The following MFSD2B variants were observed in gnomAD, a reference collection of about 807,000 sequenced individuals.
MFSD2B encodes MFSD2 lysolipid transporter B, sphingolipid.
In MFSD2B, 56 loss-of-function variants were observed where a neutral mutation model predicts 58.4. That is an observed-to-expected ratio of 0.96 (90% confidence interval 0.77 to 1.20). MFSD2B has a LOEUF of 1.20. MFSD2B is among the 50% of genes most tolerant of loss of function. The pLI is 0.00. For missense variants in MFSD2B, 645 were observed against 667.6 expected (o/e 0.97, Z 0.37); for synonymous variants, 287 against 294.4 (o/e 0.97, Z 0.26).
At chr2:24,013,438 G>T in intron 2 of MFSD2B, 28 bp downstream of exon 2, 1 of 1,575,208 alleles carries the variant, frequency 6.3e-7, no homozygotes, top group Non-Finnish European at 8.7e-7. Flanking sequence ...CCCAGTCTCT[G>T]CTGGCATCTT....
rs1309570087 is a variant in MFSD2B at position 24,022,965 on chromosome 2, T to C, written c.1059+63T>C. ...AGGGGAGAGGTGAGCGAGGTGACCT[T>C]GGTGCCTGAGCCTCCTGGGGCCAGC... is the stretch of plus-strand genomic sequence containing the variant. On this transcript the variant is annotated intron_variant, in intron 10 of 13. Transcript: ENST00000338315. This position sits in a 1 kb window ranked among gnomAD's most constrained non-coding sequence, Gnocchi z 4.5. The C allele has an allele frequency of 2.7e-6, 4 of 1,505,356 alleles. No individual in the cohort carries two copies. The African/African-American group carries it at 5.5e-5, about 21-fold the overall frequency. The allele number at this position is 1,505,356 out of a possible 1,614,324, so 93.2% of individuals were successfully genotyped here.
intron 2 of MFSD2B, among the ~76,000 whole-genome samples, chr2:24,014,945 C>T (rs1709086517): frequency 6.6e-6 from 1 of 151,914 alleles, no homozygotes; most frequent in South Asian, 2.1e-4. Flanking sequence ...TATGGTGAAC[C>T]CCATTTCTAC....
In MFSD2B at chr2:24,022,340, A is replaced by G. The variant is rs932304030; in HGVS notation, c.895-93A>G. ...ATGGTAGCAGCAAGCCAAGGTCCCA[A>G]TGGAGATGCCAGACTCCAGACCCTG... is the stretch of plus-strand genomic sequence containing the variant. On this transcript the variant is annotated intron_variant, in intron 8 of 13. Transcript: ENST00000338315. This position sits in a 1 kb window ranked among gnomAD's most constrained non-coding sequence, Gnocchi z 4.5. 3.6e-5 allele frequency: 36 copies of G among 998,402 alleles called. No individual in the cohort carries two copies. The highest frequency in any genetic ancestry group is 3.4e-4 in the Admixed American group (17 of 49,480). 61.8% of individuals were successfully genotyped at this position (998,402 alleles called of 1,614,324 possible).
rs1446495831 is a variant in MFSD2B at position 24,024,192 on chromosome 2, G to A, written c.1411G>A (p.Ala471Thr). 1 of 1,613,736 alleles carries A rather than the reference G, an allele frequency of 6.2e-7. No homozygotes were observed. Among genetic ancestry groups the A allele is most frequent in the South Asian group, 1.1e-5 (1 of 91,030 alleles). The change falls in exon 13 of 14, where the codon GCT (alanine) becomes ACT (threonine). Residue 471 changes from alanine to threonine, a missense_variant. Physicochemically the swap from Ala to Thr is moderately conservative, Grantham distance 58. Transcript: ENST00000338315. This position sits in a 1 kb window ranked among gnomAD's most constrained non-coding sequence, Gnocchi z 4.3. The stretch of plus-strand genomic sequence containing the variant: ...CGCCGTGCCCACCTGCATGATCCTT[G>A]CTGGGCTCTGCATCCTCATGGTCGG... The part of the protein sequence containing the change: ...IGAVPTCMIL[A>T]GLCILMVGST...
In MFSD2B at chr2:24,022,002, G is replaced by T; in HGVS notation, c.894+32G>T. 6.2e-7 allele frequency: 1 copy of T among 1,613,590 alleles called. No homozygotes were observed. Among genetic ancestry groups the T allele is most frequent in the South Asian group, 1.1e-5 (1 of 91,048 alleles). Reference sequence around the variant, plus strand: ...CTGGCCAGCTGCCCCCGACAGGCTTGGTGCTGGCCATGCTGACCTTGCATA... The same window carrying T: ...CTGGCCAGCTGCCCCCGACAGGCTTTGTGCTGGCCATGCTGACCTTGCATA... On this transcript the variant is annotated intron_variant, in intron 8 of 13. Coordinates refer to ENST00000338315, the MANE Select transcript of MFSD2B (RefSeq NM_001346880.2). This position sits in a 1 kb window ranked among gnomAD's most constrained non-coding sequence, Gnocchi z 4.5.
chr2:24,016,945 T>C lies in MFSD2B; in HGVS notation c.448T>C (p.Cys150Arg). The stretch of plus-strand genomic sequence containing the variant: ...AGGCCTCTGGTACACGACTTTCTAC[T>C]GCCTGTTCCAGGCCCTGGCCACGGT... Reference protein sequence around the residue: ...LRGLWYTTFYCLFQALATFFQ... With the variant: ...LRGLWYTTFYRLFQALATFFQ... Residue 150 changes from cysteine (C) to arginine (R), a missense_variant, in exon 4 of 14, where the codon TGC (cysteine) becomes CGC (arginine). Cys to Arg is a radical substitution (Grantham distance 180). Coordinates refer to ENST00000338315, the MANE Select transcript of MFSD2B (RefSeq NM_001346880.2). The C allele has an allele frequency of 6.2e-7, 1 of 1,613,918 alleles. No homozygotes were observed. Among genetic ancestry groups the C allele is most frequent in the Non-Finnish European group, 8.5e-7 (1 of 1,179,874 alleles).
Position 24,021,659 on chromosome 2 carries a change from C to A in MFSD2B, c.693C>A (p.Tyr231Ter). 6.2e-7 allele frequency: 1 copy of A among 1,613,050 alleles called. No homozygotes were observed. Among genetic ancestry groups the A allele is most frequent in the Non-Finnish European group, 8.5e-7 (1 of 1,179,536 alleles). Residue 231 changes from tyrosine to a stop codon, truncating the protein, a stop_gained, in exon 7 of 14, where the codon TAC becomes TAA. Transcript: ENST00000338315. LOFTEE classifies it high-confidence loss of function. The surrounding 1 kb of genome is among the most constrained non-coding windows in gnomAD (Gnocchi z 5.7). ...GTCCTGTCCCACAGGCCCATCTCTA[C>A]TGCATTGCGGCTGCCGTGGTTGTAG... ...VTVSPNAAHL[Y>*]CIAAAVVVVT...
intron 1 of MFSD2B, among the ~76,000 whole-genome samples, chr2:24,011,795 G>A (rs910183557): frequency 5.9e-5 from 9 of 152,200 alleles, no homozygotes; most frequent in Non-Finnish European, 1.3e-4. Context: ...GTAGGGAGAG[G>A]CAGGAACTAA....
Position 24,021,716 on chromosome 2 carries a change from C to T in MFSD2B, c.750C>T (p.Cys250=), listed in dbSNP as rs1662793505. 1 of 1,613,408 alleles carries T rather than the reference C, an allele frequency of 6.2e-7. No individual in the cohort carries two copies. Among genetic ancestry groups the T allele is most frequent in the African/African-American group, 1.3e-5 (1 of 74,912 alleles). Residue 250 remains cysteine, a synonymous_variant, in exon 7 of 14, where the codon TGC becomes TGT. Coordinates refer to ENST00000338315, the MANE Select transcript of MFSD2B (RefSeq NM_001346880.2). This position sits in a 1 kb window ranked among gnomAD's most constrained non-coding sequence, Gnocchi z 5.7. ...ACCCCGTGTGCATCAGTTTACTGTG[C>T]CTAGGGGTGAAGGAGCGGCCAGGTA... The part of the protein sequence containing the change: ...VTYPVCISLL[C]LGVKERPDPS...
chr2:24,017,344 G>C lies in MFSD2B; in HGVS notation c.530G>C (p.Arg177Pro), dbSNP rs753568720. The C allele has an allele frequency of 6.2e-7, 1 of 1,605,864 alleles. No individual in the cohort carries two copies. Among genetic ancestry groups the C allele is most frequent in the Non-Finnish European group, 8.5e-7 (1 of 1,176,924 alleles). Residue 177 changes from arginine to proline, a missense_variant, in exon 5 of 14, where the codon CGG (arginine) becomes CCG (proline). Physicochemically the swap from Arg to Pro is moderately radical, Grantham distance 103. Transcript: ENST00000338315. The surrounding 1 kb of genome is among the most constrained non-coding windows in gnomAD (Gnocchi z 4.8). ...TMLLTPCPRE[R>P]DSATAYRMTV... The stretch of plus-strand genomic sequence containing the variant: ...CTGCTGACTCCCTGCCCAAGGGAGC[G>C]GGACTCGGCCACCGCCTACCGTGAG...
At position 24,017,575 on chromosome 2, in the gene MFSD2B, T is replaced by A; in HGVS notation, c.668T>A (p.Val223Asp). 6.4e-7 allele frequency: 1 copy of A among 1,556,914 alleles called. No individual in the cohort carries two copies. The highest frequency in any genetic ancestry group is 8.7e-7 in the Non-Finnish European group (1 of 1,150,794). The change falls in exon 6 of 14, where the codon GTC (valine) becomes GAC (aspartate). Residue 223 changes from valine (V) to aspartate (D), a missense_variant. By Grantham distance (152) the Val-to-Asp change is radical. Coordinates refer to ENST00000338315, the MANE Select transcript of MFSD2B (RefSeq NM_001346880.2). This position sits in a 1 kb window ranked among gnomAD's most constrained non-coding sequence, Gnocchi z 4.8. ...ACTGCGACCCCGGGGCCAGTCACTGTCTCCCCGAATGCAGTAAGTGCACTG... is the reference window on the plus strand; with the variant it reads ...ACTGCGACCCCGGGGCCAGTCACTGACTCCCCGAATGCAGTAAGTGCACTG... Reference protein sequence around the residue: ...EATATPGPVTVSPNAAHLYCI... With the variant: ...EATATPGPVTDSPNAAHLYCI...
Position 24,013,282 on chromosome 2 carries a change from C to T in MFSD2B, c.97-3C>T. The T allele has an allele frequency of 6.3e-7, 1 of 1,598,256 alleles. No homozygotes were observed. Among genetic ancestry groups the T allele is most frequent in the African/African-American group, 1.3e-5 (1 of 74,742 alleles). On this transcript the variant is annotated splice_polypyrimidine_tract_variant and splice_region_variant and intron_variant, in intron 1 of 13. Coordinates refer to ENST00000338315, the MANE Select transcript of MFSD2B (RefSeq NM_001346880.2). The stretch of plus-strand genomic sequence containing the variant: ...AAGGGCTTAGTTCCTGTGTCTCCTC[C>T]AGGACAGCAGAGCCGGTCGCCTCTC...
Position 24,023,286 on chromosome 2 carries a change from C to A in MFSD2B, c.1169+47C>A. On this transcript the variant is annotated intron_variant, in intron 11 of 13. Coordinates refer to ENST00000338315, the MANE Select transcript of MFSD2B (RefSeq NM_001346880.2). This position sits in a 1 kb window ranked among gnomAD's most constrained non-coding sequence, Gnocchi z 5.0. ...CACGTGTGTCCACAGTGGGTGTCAC[C>A]TCCTTCATGTAAACCTGCCGTCCCA... is the stretch of plus-strand genomic sequence containing the variant. The A allele has an allele frequency of 6.8e-7, 1 of 1,479,552 alleles. No homozygotes were observed. Among genetic ancestry groups the A allele is most frequent in the Non-Finnish European group, 9.4e-7 (1 of 1,060,450 alleles). The allele number at this position is 1,479,552 out of a possible 1,614,324, so 91.7% of individuals were successfully genotyped here. A position where few individuals can be genotyped will look rare whatever the true frequency, so the allele number is the denominator to read the frequency against.
At position 24,021,200 on chromosome 2, in the gene MFSD2B, G is replaced by A. The variant is rs969676140; in HGVS notation, c.682-448G>A. 6.6e-6 allele frequency among the ~76,000 whole-genome samples: 1 copy of A among 152,052 alleles called. No homozygotes were observed. The highest frequency in any genetic ancestry group is 1.5e-5 in the Non-Finnish European group (1 of 67,992). Reference sequence around the variant, plus strand: ...GGCATGAGCCACCGCGCCCGGCCCTGCTTCCTCCATTAATCTGAGTCACCA... The same window carrying A: ...GGCATGAGCCACCGCGCCCGGCCCTACTTCCTCCATTAATCTGAGTCACCA... On this transcript the variant is annotated intron_variant, in intron 6 of 13. Coordinates refer to ENST00000338315, the MANE Select transcript of MFSD2B (RefSeq NM_001346880.2). This position sits in a 1 kb window ranked among gnomAD's most constrained non-coding sequence, Gnocchi z 5.7.
chr2:24,021,762 A>G lies in MFSD2B; in HGVS notation c.772+24A>G, dbSNP rs764558486. 4 of 1,612,768 alleles carry G rather than the reference A, an allele frequency of 2.5e-6. No individual in the cohort carries two copies. The highest frequency in any genetic ancestry group is 2.7e-5 in the African/African-American group (2 of 74,926). ...AGGTATGGGGTTTGGTGAGGAGGGA[A>G]GCAGAAGCTGGGGGCAGGGCTCTGC... is the stretch of plus-strand genomic sequence containing the variant. On this transcript the variant is annotated intron_variant, in intron 7 of 13. Coordinates refer to ENST00000338315, the MANE Select transcript of MFSD2B (RefSeq NM_001346880.2). The surrounding 1 kb of genome is among the most constrained non-coding windows in gnomAD (Gnocchi z 5.7).
rs1474989376 is a variant in MFSD2B, at chr2:24,017,733, C to G, written c.681+145C>G. 4.5e-6 allele frequency: 4 copies of G among 887,528 alleles called. No individual in the cohort carries two copies. The highest frequency in any genetic ancestry group is 6.7e-6 in the Non-Finnish European group (4 of 596,178). 55.0% of individuals were successfully genotyped at this position (887,528 alleles called of 1,614,324 possible). A position where few individuals can be genotyped will look rare whatever the true frequency, so the allele number is the denominator to read the frequency against. On this transcript the variant is annotated intron_variant, in intron 6 of 13. Transcript: ENST00000338315. This position sits in a 1 kb window ranked among gnomAD's most constrained non-coding sequence, Gnocchi z 4.8. ...GCCCCCTCATTCCTTCCCTGCTCCT[C>G]CAGTTGAGCAGATGGCCCCCAAATC...
At position 24,023,178 on chromosome 2, in the gene MFSD2B, G is replaced by C. The variant is rs62127984; in HGVS notation, c.1108G>C (p.Val370Leu). The C allele has an allele frequency of 6.2e-7, 1 of 1,613,636 alleles. No homozygotes were observed. Among genetic ancestry groups the C allele is most frequent in the East Asian group, 2.2e-5 (1 of 44,884 alleles). ...GCTGGCTGCTGTGCCCACAGCACCT[G>C]TGGCATATGTCGTGGCCTTTGTATC... ...ILLAAVPTAP[V>L]AYVVAFVSGV... Residue 370 changes from valine (V) to leucine (L), a missense_variant, in exon 11 of 14, where the codon GTG becomes CTG. By Grantham distance (32) the Val-to-Leu change is conservative. Transcript: ENST00000338315. This position sits in a 1 kb window ranked among gnomAD's most constrained non-coding sequence, Gnocchi z 5.0.
chr2:24,025,940 T>A lies in MFSD2B; in HGVS notation c.*484T>A, dbSNP rs1662965653. The A allele has an allele frequency of 6.4e-6, 1 of 155,114 alleles. No homozygotes were observed. The highest frequency in any genetic ancestry group is 2.4e-5 in the African/African-American group (1 of 41,448). The allele number at this position is 155,114 out of a possible 1,614,324, so 9.6% of individuals were successfully genotyped here. On this transcript the variant is annotated 3_prime_UTR_variant, in exon 14 of 14. Coordinates refer to ENST00000338315, the MANE Select transcript of MFSD2B (RefSeq NM_001346880.2). ...GGTTTCACCGTGTTAGCCAGAATGG[T>A]TTCGATCTCCTGACCTCGTGATCCG...
chr2:24,021,691 A>G lies in MFSD2B; in HGVS notation c.725A>G (p.Tyr242Cys). The change falls in exon 7 of 14, where the codon TAC becomes TGC. Residue 242 changes from tyrosine to cysteine, a missense_variant. Physicochemically the swap from Tyr to Cys is radical, Grantham distance 194. Coordinates refer to ENST00000338315, the MANE Select transcript of MFSD2B (RefSeq NM_001346880.2). The surrounding 1 kb of genome is among the most constrained non-coding windows in gnomAD (Gnocchi z 5.7). Reference sequence around the variant, plus strand: ...GCGGCTGCCGTGGTTGTAGTGACTTACCCCGTGTGCATCAGTTTACTGTGC... The same window carrying G: ...GCGGCTGCCGTGGTTGTAGTGACTTGCCCCGTGTGCATCAGTTTACTGTGC... Reference protein sequence around the residue: ...CIAAAVVVVTYPVCISLLCLG... With the variant: ...CIAAAVVVVTCPVCISLLCLG... 6.2e-7 allele frequency: 1 copy of G among 1,613,426 alleles called. No individual in the cohort carries two copies. Among genetic ancestry groups the G allele is most frequent in the Non-Finnish European group, 8.5e-7 (1 of 1,179,728 alleles).
Sources: allele counts gnomAD v4.1 joint callset (sites outside exome capture counted in the v4.1 genomes callset), GRCh38; gene constraint gnomAD v4.1.1; non-coding constraint Gnocchi (gnomAD v3.1); transcripts MANE v1.5; gene names NCBI Gene and HGNC (gene_info 2026-07-23, HGNC 2026-07-21).